The following KIAA1328 variants were observed in gnomAD, a reference collection of about 807,000 sequenced individuals.
The protein encoded by KIAA1328 is protein hinderin.
KIAA1328 carries 52 observed loss-of-function variants against 68.1 expected under a neutral mutation model. That is an observed-to-expected ratio of 0.76 (90% CI 0.61 to 0.96). KIAA1328 has a LOEUF of 0.96. KIAA1328 is among the 40% of genes least tolerant of loss of function. The pLI is 0.00. For synonymous variants in KIAA1328, 232 were observed against 239.4 expected (o/e 0.97, Z 0.28); for missense variants, 641 against 677.6 (o/e 0.95, Z 0.60).
chr18:37,178,129 G>T (rs2059629869), intron 9 of KIAA1328, among the ~76,000 whole-genome samples: 1 of 151,866 alleles, frequency 6.6e-6, no homozygotes. Context: ...TCACCCTACT[G>T]CACAATAGAA....
chr18:36,910,143 A>G (rs2049379836), intron 5 of KIAA1328, among the ~76,000 whole-genome samples: 1 of 152,040 alleles, frequency 6.6e-6, no homozygotes, highest in Non-Finnish European at 1.5e-5. Flanking sequence ...CCATTTGTCA[A>G]TTTTGGCTTT....
chr18:37,184,481 TC>T (rs1333113869), intron 9 of KIAA1328, among the ~76,000 whole-genome samples: 1 of 152,216 alleles, frequency 6.6e-6, no homozygotes, highest in African/African-American at 2.4e-5. Flanking sequence ...ACAGACCTTT[TC>T]CTAAACCTCT....
At chr18:37,187,719 A>AC (rs2059830787) in intron 9 of KIAA1328, among the ~76,000 whole-genome samples, 1 of 152,064 alleles carries the variant, frequency 6.6e-6, no homozygotes, top group African/African-American at 2.4e-5. Flanking sequence ...TTTTCCCCCC[A>AC]CTTGGGCTCT....
intron 6 of KIAA1328, among the ~76,000 whole-genome samples, chr18:36,973,303 A>C (rs1457909077): frequency 6.6e-6 from 1 of 151,184 alleles, no homozygotes; most frequent in Non-Finnish European, 1.5e-5. Flanking sequence ...GGTAGGGAAC[A>C]TCACACACCA....
intron 4 of KIAA1328, among the ~76,000 whole-genome samples, chr18:36,880,097 G>A (rs745760008): frequency 6.6e-6 from 1 of 152,200 alleles, no homozygotes; most frequent in Non-Finnish European, 1.5e-5. Flanking sequence ...CCTGTAGCTA[G>A]CTTGGTGTCT....
At chr18:37,098,479 T>G (rs2057486070) in intron 7 of KIAA1328, among the ~76,000 whole-genome samples, 1 of 152,234 alleles carries the variant, frequency 6.6e-6, no homozygotes, top group Non-Finnish European at 1.5e-5. Flanking sequence ...GGTTTGCCAG[T>G]ATTTTATTGA....
chr18:37,191,085 A>G (rs2059896027), intron 9 of KIAA1328, among the ~76,000 whole-genome samples: 1 of 152,122 alleles, frequency 6.6e-6, no homozygotes, highest in Admixed American at 6.6e-5. Flanking sequence ...AACAATCAAT[A>G]TATCTCTACC....
intron 4 of KIAA1328, among the ~76,000 whole-genome samples, chr18:36,844,785 T>G (rs1026721811): frequency 1.3e-5 from 2 of 151,920 alleles, no homozygotes; most frequent in Non-Finnish European, 1.5e-5. Context: ...TTATTAGTGA[T>G]GTATATGAGG....
chr18:37,208,829 A>G (rs927765703), intron 9 of KIAA1328, among the ~76,000 whole-genome samples: 14 of 152,304 alleles, frequency 9.2e-5, no homozygotes, highest in Admixed American at 4.6e-4. Flanking sequence ...TCCAGAAGCA[A>G]TGGGAGTGAG....
In KIAA1328 at chr18:37,113,049, G is replaced by A. The variant is rs945757620; in HGVS notation, c.1232+45504G>A. Among the ~76,000 whole-genome samples the A allele has an allele frequency of 3.3e-5, 5 of 152,244 alleles. No homozygotes were observed. The South Asian group carries it at 1.0e-3, about 32-fold the overall frequency. ...TACGTTTGACTGGTGTACCTGAAAGGGACGGGGAGAATGGAACCAAGTTGG... is the reference window on the plus strand; with the variant it reads ...TACGTTTGACTGGTGTACCTGAAAGAGACGGGGAGAATGGAACCAAGTTGG... On this transcript the variant is annotated intron_variant, in intron 7 of 9. Coordinates refer to ENST00000280020, the MANE Select transcript of KIAA1328 (RefSeq NM_020776.3).
chr18:37,073,985 G>C (rs2056621166), intron 7 of KIAA1328, among the ~76,000 whole-genome samples: 2 of 152,080 alleles, frequency 1.3e-5, no homozygotes, highest in Admixed American at 1.3e-4. Context: ...TACTGATCTT[G>C]GTTCTCTAAC....
intron 9 of KIAA1328, among the ~76,000 whole-genome samples, chr18:37,187,549 C>T (rs1440584505): frequency 6.6e-6 from 1 of 152,102 alleles, no homozygotes; most frequent in Admixed American, 6.5e-5. Flanking sequence ...CCCATCCTTT[C>T]TACATTTTGA....
At chr18:37,065,318 C>T (rs2056304748) in intron 6 of KIAA1328, among the ~76,000 whole-genome samples, 1 of 152,188 alleles carries the variant, frequency 6.6e-6, no homozygotes, top group Admixed American at 6.5e-5. Context: ...AGATATTTCA[C>T]TTGTTTAGGT....
intron 4 of KIAA1328, among the ~76,000 whole-genome samples, chr18:36,856,430 T>C (rs1365758348): frequency 2.0e-5 from 3 of 152,176 alleles, no homozygotes; most frequent in African/African-American, 7.2e-5. Flanking sequence ...GATTGTTTCT[T>C]GTGCCTTCTC....
chr18:37,178,832 T>G (rs571976848), intron 9 of KIAA1328, among the ~76,000 whole-genome samples: 6 of 152,344 alleles, frequency 3.9e-5, no homozygotes, highest in Non-Finnish European at 8.8e-5. Flanking sequence ...TGATTATTGA[T>G]TTTGAGAATT....
chr18:37,149,763 CAG>C (rs1269729203), intron 7 of KIAA1328, among the ~76,000 whole-genome samples: 1 of 152,100 alleles, frequency 6.6e-6, no homozygotes, highest in Admixed American at 6.6e-5. Flanking sequence ...AACCTTGTAG[CAG>C]CTACTCTTTG....
chr18:36,957,694 C>G, intron 5 of KIAA1328, among the ~76,000 whole-genome samples: 1 of 152,090 alleles, frequency 6.6e-6, no homozygotes, highest in East Asian at 1.9e-4. Flanking sequence ...AAATTATACT[C>G]TCTTTATGTT....
intron 7 of KIAA1328, among the ~76,000 whole-genome samples, chr18:37,126,120 G>T (rs1261908291): frequency 6.6e-6 from 1 of 152,148 alleles, no homozygotes; most frequent in Non-Finnish European, 1.5e-5. Context: ...TTTGTTTCGT[G>T]TGCAAACTTA....
chr18:37,103,803 TACACACACACACACAC>T lies in KIAA1328; in HGVS notation c.1232+36279_1232+36294del, dbSNP rs60337954. Among the ~76,000 whole-genome samples the T allele has an allele frequency of 2.7e-5, 4 of 145,656 alleles. No homozygotes were observed. In the East Asian group the frequency reaches 8.1e-4, roughly 29 times the overall value. On this transcript the variant is annotated intron_variant, in intron 7 of 9. Transcript: ENST00000280020. ...ACACAAGGAATAGTTCAATAGCAAA[TACACACACACACACAC>T]ACACACACACACACACACACTCCCA...
Sources: gnomAD v4.1 joint callset for allele counts (sites outside exome capture counted in the v4.1 genomes callset) on GRCh38, gnomAD v4.1.1 for gene constraint, MANE v1.5 for transcripts, NCBI Gene and HGNC (gene_info 2026-07-23, HGNC 2026-07-21) for gene names.